TRAPPC9: variants seen among roughly 807,000 people sequenced by gnomAD.
The protein encoded by TRAPPC9 is IKK2 binding protein.
A neutral mutation model predicts 124.0 loss-of-function variants in TRAPPC9; 83 were observed. The observed-to-expected ratio is 0.67, with a 90% CI of 0.56 to 0.80. The LOEUF is 0.80. Among genes scored for constraint, TRAPPC9 ranks in the 30% least tolerant of loss-of-function variants. TRAPPC9 has a pLI of 0.00. For synonymous variants in TRAPPC9, 638 were observed against 617.5 expected (o/e 1.03, Z -0.49); for missense variants, 1,302 against 1,508.3 (o/e 0.86, Z 2.27).
chr8:139,746,474 G>C (rs1818896913), intron 21 of TRAPPC9, among the ~76,000 whole-genome samples: 1 of 152,188 alleles, frequency 6.6e-6, no homozygotes, highest in Non-Finnish European at 1.5e-5. Context: ...GCGGGCTATG[G>C]GACCAACAGG....
chr8:140,084,880 G>A (rs1844085281), intron 17 of TRAPPC9, among the ~76,000 whole-genome samples: 1 of 152,240 alleles, frequency 6.6e-6, no homozygotes, highest in South Asian at 2.1e-4. Context: ...CTTGGAGTAA[G>A]TGTATCATTA....
At chr8:140,296,503 C>G (rs894277012) in intron 11 of TRAPPC9, among the ~76,000 whole-genome samples, 1 of 152,164 alleles carries the variant, frequency 6.6e-6, no homozygotes, top group Non-Finnish European at 1.5e-5. Flanking sequence ...TGGGCTCAAG[C>G]AATCCACCAG....
intron 17 of TRAPPC9, among the ~76,000 whole-genome samples, chr8:140,106,997 G>A (rs1023864502): frequency 3.9e-5 from 6 of 152,194 alleles, no homozygotes; most frequent in Admixed American, 1.3e-4. Context: ...TGAGCTCCAT[G>A]AGCGCCAGAA....
rs1162567825 is a variant in TRAPPC9 at position 139,764,306 on chromosome 8, G to A, written c.3056-32104C>T. Reference sequence around the variant, plus strand: ...GGGCAGTGAAATGGGGTGGCTGCAGGAGGACGTGGATCACAGGAGATGGTG... The same window carrying A: ...GGGCAGTGAAATGGGGTGGCTGCAGAAGGACGTGGATCACAGGAGATGGTG... On this transcript the variant is annotated intron_variant, in intron 21 of 22. Coordinates refer to ENST00000438773, the MANE Select transcript of TRAPPC9 (RefSeq NM_001160372.4). 3.3e-5 allele frequency among the ~76,000 whole-genome samples: 5 copies of A among 152,168 alleles called. No individual in the cohort carries two copies. In the South Asian group the frequency reaches 6.2e-4, roughly 19 times the overall value.
chr8:140,103,686 T>A (rs4471015), intron 17 of TRAPPC9, among the ~76,000 whole-genome samples: 10,301 of 152,240 alleles, frequency 0.068, 419 homozygotes, highest in Middle Eastern at 0.12. Flanking sequence ...TAATGATACC[T>A]TCATGACTAC....
chr8:140,165,459 A>C (rs1479724956), intron 17 of TRAPPC9, among the ~76,000 whole-genome samples: 4 of 151,904 alleles, frequency 2.6e-5, no homozygotes, highest in Non-Finnish European at 5.9e-5. Flanking sequence ...GAATCACTTG[A>C]ACCTGGGAGA....
At position 140,241,609 on chromosome 8, in the gene TRAPPC9, C is replaced by G. The variant is rs1035687337; in HGVS notation, c.2431+11168G>C. Among the ~76,000 whole-genome samples the G allele has an allele frequency of 6.6e-6, 1 of 151,826 alleles. No individual in the cohort carries two copies. The highest frequency in any genetic ancestry group is 1.9e-4 in the East Asian group (1 of 5,176). The stretch of plus-strand genomic sequence containing the variant: ...ATTCGGAAGGCTGAGACAGGAGAAT[C>G]GCTTAAGCCCGGGAGGCAGAGGTTG... On this transcript the variant is annotated intron_variant, in intron 16 of 22. Transcript: ENST00000438773. The surrounding 1 kb of genome is among the most constrained non-coding windows in gnomAD (Gnocchi z 5.0).
At chr8:140,281,461 G>C (rs1479037881) in intron 14 of TRAPPC9, among the ~76,000 whole-genome samples, 1 of 152,130 alleles carries the variant, frequency 6.6e-6, no homozygotes, top group Non-Finnish European at 1.5e-5. Flanking sequence ...TAGGTTGTTT[G>C]CCTTATTTTT....
intron 21 of TRAPPC9, among the ~76,000 whole-genome samples, chr8:139,814,457 G>A (rs915717812): frequency 2.0e-5 from 3 of 152,158 alleles, no homozygotes; most frequent in Non-Finnish European, 4.4e-5. Context: ...GCAGGCCCAG[G>A]AAAAGGACCC....
intron 17 of TRAPPC9, among the ~76,000 whole-genome samples, chr8:140,176,831 CTT>C (rs1465248087): frequency 6.6e-6 from 1 of 152,202 alleles, no homozygotes; most frequent in Non-Finnish European, 1.5e-5. Context: ...AATAATCACT[CTT>C]TTTAGTCATT....
intron 19 of TRAPPC9, among the ~76,000 whole-genome samples, chr8:139,954,884 C>G (rs1834877251): frequency 6.6e-6 from 1 of 152,226 alleles, no homozygotes; most frequent in African/African-American, 2.4e-5. Flanking sequence ...AGCTCTGCAG[C>G]TGTCCATATA....
intron 17 of TRAPPC9, among the ~76,000 whole-genome samples, chr8:140,060,836 T>A (rs927931047): frequency 6.6e-6 from 1 of 152,246 alleles, no homozygotes; most frequent in Admixed American, 6.5e-5. Flanking sequence ...AGTTGCCCCA[T>A]CATGGCAGAC....
At chr8:140,301,653 T>C (rs2065980194) in intron 10 of TRAPPC9, among the ~76,000 whole-genome samples, 1 of 152,154 alleles carries the variant, frequency 6.6e-6, no homozygotes, top group Admixed American at 6.5e-5. Flanking sequence ...AGACTGATAG[T>C]GACACTGATC....
intron 6 of TRAPPC9, among the ~76,000 whole-genome samples, chr8:140,401,011 G>A (rs1264856370): frequency 6.6e-6 from 1 of 152,166 alleles, no homozygotes; most frequent in Non-Finnish European, 1.5e-5. Context: ...GGTTTATAGA[G>A]GTTGTCCATG....
At chr8:139,954,266 G>A (rs961999567) in intron 19 of TRAPPC9, among the ~76,000 whole-genome samples, 6 of 152,166 alleles carry the variant, frequency 3.9e-5, no homozygotes, top group Non-Finnish European at 7.3e-5. Flanking sequence ...GTACACTTCC[G>A]TATGTGTAGT....
chr8:139,995,005 C>T (rs947457256), intron 18 of TRAPPC9, among the ~76,000 whole-genome samples: 14 of 152,030 alleles, frequency 9.2e-5, no homozygotes, highest in Non-Finnish European at 1.9e-4. Context: ...ATGGTGAGTT[C>T]CAATTCTGGA....
At chr8:139,943,990 T>C (rs888382915) in intron 19 of TRAPPC9, among the ~76,000 whole-genome samples, 37 of 152,242 alleles carry the variant, frequency 2.4e-4, no homozygotes, top group African/African-American at 8.4e-4. Context: ...GAAAAACACA[T>C]GTGTTCAAAG....
At chr8:140,424,344 T>C (rs1191390984) in intron 5 of TRAPPC9, among the ~76,000 whole-genome samples, 1 of 150,758 alleles carries the variant, frequency 6.6e-6, no homozygotes, top group South Asian at 2.1e-4. Context: ...GTTTAGAAAT[T>C]AAATTAAAAA....
At chr8:140,058,150 G>A (rs1193921325) in intron 17 of TRAPPC9, among the ~76,000 whole-genome samples, 1 of 152,136 alleles carries the variant, frequency 6.6e-6, no homozygotes, top group Non-Finnish European at 1.5e-5. Context: ...GAAATGAGCT[G>A]AGATTGAAAT....
Sources: gnomAD v4.1 joint callset for allele counts (sites outside exome capture counted in the v4.1 genomes callset) on GRCh38, gnomAD v4.1.1 for gene constraint, Gnocchi (gnomAD v3.1) non-coding constraint, MANE v1.5 for transcripts, NCBI Gene and HGNC (gene_info 2026-07-23, HGNC 2026-07-21) for gene names.